Variants in ATP6V0D1 observed in about 807,000 individuals in gnomAD.
ATP6V0D1 encodes ATPase H+ transporting V0 subunit d1, also known as V-type proton ATPase subunit d 1.
Under a neutral mutation model 39.0 loss-of-function variants are expected in ATP6V0D1, and 13 were observed. The ratio of observed to expected loss-of-function variants is 0.33; its 90% CI spans 0.22 to 0.53. ATP6V0D1 has a LOEUF of 0.53. ATP6V0D1 is among the 20% of genes least tolerant of loss of function. ATP6V0D1 has a pLI of 0.94. For synonymous variants in ATP6V0D1, 191 were observed against 191.2 expected (o/e 1.00, Z 0.01); for missense variants, 272 against 470.9 (o/e 0.58, Z 3.91).
At position 67,481,152 on chromosome 16, in the gene ATP6V0D1, T is replaced by C; in HGVS notation, c.-66A>G. On this transcript the variant is annotated 5_prime_UTR_variant, in exon 1 of 8. Coordinates refer to ENST00000290949, the MANE Select transcript of ATP6V0D1 (RefSeq NM_004691.5). Reference sequence around the variant, plus strand: ...CCGGCACGAATCGCGACTCCCCAGGTCAGCTGACGCTGCGTCCTCAGCGGG... The same window carrying C: ...CCGGCACGAATCGCGACTCCCCAGGCCAGCTGACGCTGCGTCCTCAGCGGG... The C allele has an allele frequency of 6.2e-7, 1 of 1,602,526 alleles. No homozygotes were observed. Among genetic ancestry groups the C allele is most frequent in the Non-Finnish European group, 8.5e-7 (1 of 1,172,544 alleles).
At chr16:67,471,107 T>C (rs2041369393) in intron 1 of ATP6V0D1, among the ~76,000 whole-genome samples, 1 of 152,232 alleles carries the variant, frequency 6.6e-6, no homozygotes, top group East Asian at 1.9e-4. Flanking sequence ...ATAGGATACA[T>C]GTGATATTTT....
chr16:67,470,267 T>C (rs2041362314), intron 1 of ATP6V0D1, among the ~76,000 whole-genome samples: 1 of 151,634 alleles, frequency 6.6e-6, no homozygotes, highest in South Asian at 2.1e-4. Flanking sequence ...GGGGTGACAA[T>C]GTATACCCCT....
chr16:67,465,440 G>C (rs1030225889), intron 1 of ATP6V0D1, among the ~76,000 whole-genome samples: 4 of 152,196 alleles, frequency 2.6e-5, no homozygotes, highest in Non-Finnish European at 4.4e-5. Flanking sequence ...CTCTCCTGGA[G>C]AGGCCAGGGT....
chr16:67,459,427 C>T (rs890500381), intron 1 of ATP6V0D1, among the ~76,000 whole-genome samples: 1 of 152,222 alleles, frequency 6.6e-6, no homozygotes, highest in Admixed American at 6.5e-5. Context: ...GCCCAAGACC[C>T]ACCTGGCATG....
In ATP6V0D1 at chr16:67,444,655, G is replaced by A. The variant is rs753824477; in HGVS notation, c.354C>T (p.His118=). The part of the protein sequence containing the change: ...NVILLITGTL[H]QRSIAELVPK... Reference sequence around the variant, plus strand: ...GCACGAGCTCAGCGATGGAGCGCTGGTGCAGCGTGCCTGTGATGAGCAGGA... The same window carrying A: ...GCACGAGCTCAGCGATGGAGCGCTGATGCAGCGTGCCTGTGATGAGCAGGA... The change falls in exon 3 of 8, where the codon CAC becomes CAT. Residue 118 remains histidine, a synonymous_variant. Coordinates refer to ENST00000290949, the MANE Select transcript of ATP6V0D1 (RefSeq NM_004691.5). The surrounding 1 kb of genome is among the most constrained non-coding windows in gnomAD (Gnocchi z 4.8). The A allele has an allele frequency of 6.2e-6, 10 of 1,612,124 alleles. No individual in the cohort carries two copies. Among genetic ancestry groups the A allele is most frequent in the Non-Finnish European group, 8.5e-6 (10 of 1,178,772 alleles).
intron 1 of ATP6V0D1, 65 bp downstream of exon 1, chr16:67,480,892 C>T: frequency 6.3e-7 from 1 of 1,585,238 alleles, no homozygotes; most frequent in Non-Finnish European, 8.6e-7. Context: ...GGCTTCCCGG[C>T]CTACACCTCT....
At position 67,468,587 on chromosome 16, in the gene ATP6V0D1, CAAAAAG is replaced by C. The variant is rs1161395654; in HGVS notation, c.130+12364_130+12369del. Among the ~76,000 whole-genome samples the C allele has an allele frequency of 2.7e-5, 3 of 110,002 alleles. No individual in the cohort carries two copies. In the Admixed American group the frequency reaches 3.1e-4, roughly 12 times the overall value. 72.2% of individuals were successfully genotyped at this position (110,002 alleles called of 152,430 possible). A position where few individuals can be genotyped will look rare whatever the true frequency, so the allele number is the denominator to read the frequency against. On this transcript the variant is annotated intron_variant, in intron 1 of 7. Coordinates refer to ENST00000290949, the MANE Select transcript of ATP6V0D1 (RefSeq NM_004691.5). ...TGGGCAACAGAGCAAGACCCAGTCT[CAAAAAG>C]AAAAAGAAAAAAAAAAAAGAAGGAA...
At chr16:67,474,751 TC>T (rs1403592405) in intron 1 of ATP6V0D1, among the ~76,000 whole-genome samples, 3 of 152,204 alleles carry the variant, frequency 2.0e-5, no homozygotes, top group Non-Finnish European at 2.9e-5. Flanking sequence ...CTCAGAACTG[TC>T]ACACCTGAGC....
chr16:67,439,952 A>C (rs551611957), intron 4 of ATP6V0D1: 478 of 155,220 alleles, frequency 3.1e-3, no homozygotes, highest in Non-Finnish European at 5.1e-3. Context: ...CGGGAGGCGG[A>C]GGTTGCAGTG....
At chr16:67,460,749 G>C (rs2041282976) in intron 1 of ATP6V0D1, among the ~76,000 whole-genome samples, 1 of 151,988 alleles carries the variant, frequency 6.6e-6, no homozygotes, top group Non-Finnish European at 1.5e-5. Flanking sequence ...CCTTTCCCTG[G>C]CCAGTGCAGG....
rs147298483 is a variant in ATP6V0D1 at position 67,447,930 on chromosome 16, A to G, written c.303-3224T>C. 5.3e-4 allele frequency among the ~76,000 whole-genome samples: 81 copies of G among 152,294 alleles called. No homozygotes were observed. The highest frequency in any genetic ancestry group is 1.9e-3 in the African/African-American group (81 of 41,560). On this transcript the variant is annotated intron_variant, in intron 2 of 7. Coordinates refer to ENST00000290949, the MANE Select transcript of ATP6V0D1 (RefSeq NM_004691.5). This position sits in a 1 kb window ranked among gnomAD's most constrained non-coding sequence, Gnocchi z 4.1. The stretch of plus-strand genomic sequence containing the variant: ...GTGAGCTGCTAATGACAGTATCTGT[A>G]TTCAATCACTTCTGGGTCCTGAAGA...
chr16:67,464,249 C>T (rs1369844530), intron 1 of ATP6V0D1, among the ~76,000 whole-genome samples: 1 of 152,128 alleles, frequency 6.6e-6, no homozygotes, highest in Non-Finnish European at 1.5e-5. Flanking sequence ...ACTACCCGTT[C>T]CTGAGTTGGG....
chr16:67,452,394 T>A (rs1244660309), intron 2 of ATP6V0D1: 2 of 1,535,428 alleles, frequency 1.3e-6, no homozygotes, highest in African/African-American at 1.4e-5. Context: ...CAGCACTTCT[T>A]GAGCAAGTGG....
At chr16:67,476,747 A>C (rs2041417676) in intron 1 of ATP6V0D1, among the ~76,000 whole-genome samples, 1 of 152,160 alleles carries the variant, frequency 6.6e-6, no homozygotes, top group Non-Finnish European at 1.5e-5. Context: ...ATAGAGGTAC[A>C]AACATTGGCT....
Position 67,438,983 on chromosome 16 carries a change from G to A in ATP6V0D1, c.804C>T (p.Ala268=), listed in dbSNP as rs762867707. Reference sequence around the variant, plus strand: ...CCGGGGCACTCACCGGGTAGTAATCGGCCACGTTCTTGACCTGTTCATAGT... The same window carrying A: ...CCGGGGCACTCACCGGGTAGTAATCAGCCACGTTCTTGACCTGTTCATAGT... ...ADDYEQVKNV[A]DYYPEYKLLF... The change falls in exon 6 of 8, where the codon GCC becomes GCT. Residue 268 remains alanine (A), a synonymous_variant. Transcript: ENST00000290949. The A allele has an allele frequency of 5.0e-6, 8 of 1,613,794 alleles. No individual in the cohort carries two copies. The highest frequency in any genetic ancestry group is 3.3e-5 in the South Asian group (3 of 91,076).
In ATP6V0D1 at chr16:67,444,019, T is replaced by C. The variant is rs1449865557; in HGVS notation, c.481+509A>G. Among the ~76,000 whole-genome samples, 1 of 152,214 alleles carries C rather than the reference T, an allele frequency of 6.6e-6. No homozygotes were observed. The highest frequency in any genetic ancestry group is 1.9e-4 in the East Asian group (1 of 5,190). Reference sequence around the variant, plus strand: ...CAGGGCTCTGCAGGAAGCTCTTGATTCCCCTTCCCTGGCTTCTGATACGGA... The same window carrying C: ...CAGGGCTCTGCAGGAAGCTCTTGATCCCCCTTCCCTGGCTTCTGATACGGA... On this transcript the variant is annotated intron_variant, in intron 3 of 7. Transcript: ENST00000290949. This position sits in a 1 kb window ranked among gnomAD's most constrained non-coding sequence, Gnocchi z 4.8.
At chr16:67,450,714 G>GT (rs1175118981) in intron 2 of ATP6V0D1, among the ~76,000 whole-genome samples, 1 of 152,154 alleles carries the variant, frequency 6.6e-6, no homozygotes, top group East Asian at 1.9e-4. Flanking sequence ...CCCACGAGAT[G>GT]TTTTTTAATT....
intron 1 of ATP6V0D1, among the ~76,000 whole-genome samples, chr16:67,471,355 ATTTTTGTATTC>A (rs1487475100): frequency 2.0e-5 from 3 of 151,944 alleles, no homozygotes; most frequent in Admixed American, 1.3e-4. Flanking sequence ...CGCCCGGCTA[ATTTTTGTATTC>A]TTAGTAGATA....
intron 4 of ATP6V0D1, chr16:67,440,168 C>T (rs1158267203): frequency 6.6e-6 from 1 of 152,378 alleles, no homozygotes; most frequent in Non-Finnish European, 1.5e-5. Flanking sequence ...GGCAGCCCCT[C>T]AGCATCACAG....
Sources: allele counts gnomAD v4.1 joint callset (sites outside exome capture counted in the v4.1 genomes callset), GRCh38; gene constraint gnomAD v4.1.1; non-coding constraint Gnocchi (gnomAD v3.1); transcripts MANE v1.5; gene names NCBI Gene and HGNC (gene_info 2026-07-23, HGNC 2026-07-21).